SCLT1: variants seen among roughly 807,000 people sequenced by gnomAD.
The protein encoded by SCLT1 is sodium channel-associated protein 1.
SCLT1 carries 78 observed loss-of-function variants against 112.8 expected under a neutral mutation model. The observed-to-expected ratio is 0.69, with a 90% CI of 0.58 to 0.83. SCLT1 has a LOEUF of 0.83. Ranked by LOEUF, SCLT1 falls within the 40% of genes least tolerant of loss-of-function variation. The probability of loss-of-function intolerance (pLI) is 0.00; values close to 1 mark genes in which losing one functional copy is unlikely to be tolerated. For synonymous variants in SCLT1, 257 were observed against 254.7 expected (o/e 1.01, Z -0.09); for missense variants, 747 against 770.4 (o/e 0.97, Z 0.36).
chr4:129,071,563 T>C (rs892286106), intron 2 of SCLT1, among the ~76,000 whole-genome samples: 2 of 152,094 alleles, frequency 1.3e-5, no homozygotes, highest in Non-Finnish European at 2.9e-5. Flanking sequence ...CTGCTGTTGC[T>C]TTAAAGTTTT....
At chr4:129,049,885 C>A (rs2125709505) in intron 2 of SCLT1, among the ~76,000 whole-genome samples, 1 of 152,202 alleles carries the variant, frequency 6.6e-6, no homozygotes. Context: ...GCTCTCCTTC[C>A]CCTTACATGC....
chr4:128,943,296 G>T, intron 16 of SCLT1, 108 bp from the exon 17 acceptor site: 1 of 758,948 alleles, frequency 1.3e-6, no homozygotes, highest in Non-Finnish European at 2.0e-6. Context: ...TTTATTCTGA[G>T]CCATTTCTTT....
intron 2 of SCLT1, among the ~76,000 whole-genome samples, chr4:129,063,925 G>C (rs761913161): frequency 1.3e-5 from 2 of 152,188 alleles, no homozygotes; most frequent in Non-Finnish European, 2.9e-5. Flanking sequence ...CAGGTTGAGG[G>C]AATCTCTCTT....
At chr4:128,933,083 G>A (rs930246774) in intron 18 of SCLT1, among the ~76,000 whole-genome samples, 5 of 152,068 alleles carry the variant, frequency 3.3e-5, no homozygotes, top group Admixed American at 3.3e-4. Context: ...ATTTTTCACA[G>A]AAATGGAAAA....
chr4:128,879,827 C>T (rs1382396192), downstream of SCLT1, among the ~76,000 whole-genome samples: 1 of 152,110 alleles, frequency 6.6e-6, no homozygotes, highest in Non-Finnish European at 1.5e-5. Flanking sequence ...GAAAGGAGAT[C>T]TAGTCTCACT....
At chr4:129,060,600 T>C (rs1002993814) in intron 2 of SCLT1, among the ~76,000 whole-genome samples, 1 of 152,204 alleles carries the variant, frequency 6.6e-6, no homozygotes, top group Non-Finnish European at 1.5e-5. Context: ...GTAATTAATG[T>C]CAGCAGTAAC....
chr4:129,027,282 C>G (rs1384945931), intron 5 of SCLT1, among the ~76,000 whole-genome samples: 1 of 152,114 alleles, frequency 6.6e-6, no homozygotes, highest in South Asian at 2.1e-4. Flanking sequence ...CCTTGATGAA[C>G]ACTGATGCAA....
chr4:128,908,094 T>C (rs1269801237), intron 18 of SCLT1, among the ~76,000 whole-genome samples: 2 of 152,162 alleles, frequency 1.3e-5, no homozygotes, highest in African/African-American at 4.8e-5. Context: ...CTTCAATGCA[T>C]GAAATGCTTT....
intron 18 of SCLT1, among the ~76,000 whole-genome samples, chr4:128,927,364 C>G (rs1348014239): frequency 6.6e-6 from 1 of 151,796 alleles, no homozygotes; most frequent in Non-Finnish European, 1.5e-5. Flanking sequence ...TTCTTAAGTC[C>G]AGGAGTTCAA....
chr4:129,056,363 T>G (rs1749390654), intron 2 of SCLT1, among the ~76,000 whole-genome samples: 1 of 152,220 alleles, frequency 6.6e-6, no homozygotes, highest in African/African-American at 2.4e-5. Flanking sequence ...TCCATTGGTC[T>G]ATGTGTCTAT....
chr4:129,043,565 G>T, intron 3 of SCLT1, 98 bp from the exon 4 acceptor site: 1 of 590,926 alleles, frequency 1.7e-6, no homozygotes, highest in Non-Finnish European at 3.0e-6. Context: ...TTTATGTTTA[G>T]TTTACTCATG....
chr4:129,083,769 G>C (rs966093187), intron 1 of SCLT1, among the ~76,000 whole-genome samples: 1 of 152,290 alleles, frequency 6.6e-6, no homozygotes, highest in East Asian at 1.9e-4. Flanking sequence ...CTTGCTTAAA[G>C]AGAAATCTGT....
chr4:128,910,416 C>T (rs1735002996), intron 18 of SCLT1, among the ~76,000 whole-genome samples: 1 of 152,198 alleles, frequency 6.6e-6, no homozygotes, highest in African/African-American at 2.4e-5. Flanking sequence ...TTGTTTGAAC[C>T]ACTGAGTTCA....
intron 2 of SCLT1, among the ~76,000 whole-genome samples, chr4:129,058,678 A>C (rs767447985): frequency 6.6e-6 from 1 of 152,144 alleles, no homozygotes; most frequent in Non-Finnish European, 1.5e-5. Context: ...AATAGCATGT[A>C]TTCTTCAGTT....
chr4:128,940,659 T>C (rs1055705755), intron 17 of SCLT1, among the ~76,000 whole-genome samples: 6 of 151,968 alleles, frequency 3.9e-5, no homozygotes, highest in African/African-American at 1.2e-4. Flanking sequence ...TACACTATAG[T>C]AACAATTTTA....
At chr4:129,019,589 G>T (rs907565532) in intron 5 of SCLT1, among the ~76,000 whole-genome samples, 1 of 151,654 alleles carries the variant, frequency 6.6e-6, no homozygotes, top group Admixed American at 6.6e-5. Flanking sequence ...ATTCCCATAG[G>T]AAGGCAGGCA....
At position 129,053,225 on chromosome 4, in the gene SCLT1, C is replaced by G. The variant is rs1006873326; in HGVS notation, c.103-9174G>C. 3.9e-5 allele frequency among the ~76,000 whole-genome samples: 6 copies of G among 152,192 alleles called. No individual in the cohort carries two copies. The East Asian group carries it at 1.2e-3, about 29-fold the overall frequency. ...TTCTGTTGATTTTGGGTGGAGAGTT[C>G]TGTAGATGTCTATTAGGTCTCCATG... On this transcript the variant is annotated intron_variant, in intron 2 of 20. Transcript: ENST00000281142.
intron 2 of SCLT1, among the ~76,000 whole-genome samples, chr4:129,075,881 TA>T (rs1751419611): frequency 6.6e-6 from 1 of 152,192 alleles, no homozygotes; most frequent in Non-Finnish European, 1.5e-5. Flanking sequence ...ACTATTTTTT[TA>T]TGACAGTTGG....
intron 18 of SCLT1, among the ~76,000 whole-genome samples, chr4:128,905,986 A>T (rs1435795756): frequency 1.3e-5 from 2 of 152,096 alleles, no homozygotes; most frequent in African/African-American, 4.8e-5. Flanking sequence ...CTAGAATGAA[A>T]ACTCCTAAGG....
Sources: allele counts gnomAD v4.1 joint callset (sites outside exome capture counted in the v4.1 genomes callset), GRCh38; gene constraint gnomAD v4.1.1; transcripts MANE v1.5; gene names NCBI Gene and HGNC (gene_info 2026-07-23, HGNC 2026-07-21).